The following KCNQ3 variants were observed in gnomAD, a reference collection of about 807,000 sequenced individuals.
KCNQ3 encodes potassium voltage-gated channel subfamily Q member 3.
KCNQ3 carries 30 observed loss-of-function variants against 92.5 expected under a neutral mutation model. The observed-to-expected ratio is 0.32, with a 90% CI of 0.24 to 0.44. The LOEUF (loss-of-function observed/expected upper bound fraction) is 0.44. KCNQ3 is among the 20% of genes least tolerant of loss of function. The pLI is 1.00. For missense variants in KCNQ3, 913 were observed against 1,140.3 expected, an observed-to-expected ratio of 0.80 and a Z score of 2.87; for synonymous variants, 450 against 468.8, an observed-to-expected ratio of 0.96 and a Z score of 0.52.
At chr8:132,425,193 GGA>G (rs1821076787) in intron 1 of KCNQ3, among the ~76,000 whole-genome samples, 1 of 152,198 alleles carries the variant, frequency 6.6e-6, no homozygotes, top group Non-Finnish European at 1.5e-5. Flanking sequence ...TATAGTCTCA[GGA>G]GAGTCACTGG....
At chr8:132,349,477 C>T (rs1371088269) in intron 1 of KCNQ3, among the ~76,000 whole-genome samples, 3 of 152,214 alleles carry the variant, frequency 2.0e-5, no homozygotes, top group African/African-American at 7.2e-5. Context: ...ACTGACAAAG[C>T]GGACTTCCCT....
At chr8:132,378,463 G>C (rs1048902379) in intron 1 of KCNQ3, among the ~76,000 whole-genome samples, 1 of 152,018 alleles carries the variant, frequency 6.6e-6, no homozygotes, top group Non-Finnish European at 1.5e-5. Flanking sequence ...CAATCCGATG[G>C]CAACAATCAT....
chr8:132,460,098 C>T (rs1012772383), intron 1 of KCNQ3, among the ~76,000 whole-genome samples: 1 of 152,012 alleles, frequency 6.6e-6, no homozygotes, highest in Non-Finnish European at 1.5e-5. Context: ...CTATAAGATG[C>T]CCTTGGCTCA....
At chr8:132,254,821 A>G (rs1317717493) in intron 1 of KCNQ3, among the ~76,000 whole-genome samples, 1 of 152,156 alleles carries the variant, frequency 6.6e-6, no homozygotes, top group Non-Finnish European at 1.5e-5. Context: ...AGAGGTTGCA[A>G]TGGGCAGAGA....
chr8:132,172,268 TGAGA>T (rs1748668175), intron 7 of KCNQ3, among the ~76,000 whole-genome samples: 1 of 152,124 alleles, frequency 6.6e-6, no homozygotes, highest in Non-Finnish European at 1.5e-5. Context: ...AGAAACTGAA[TGAGA>T]GAGTGACAGG....
Position 132,480,711 on chromosome 8 carries a change from C to T in KCNQ3, c.-179G>A. 1 of 525,744 alleles carries T rather than the reference C, an allele frequency of 1.9e-6. No homozygotes were observed. The highest frequency in any genetic ancestry group is 2.4e-6 in the Non-Finnish European group (1 of 419,014). The allele number at this position is 525,744 out of a possible 1,614,324, so 32.6% of individuals were successfully genotyped here. A position where few individuals can be genotyped will look rare whatever the true frequency, so the allele number is the denominator to read the frequency against. On this transcript the variant is annotated 5_prime_UTR_variant, in exon 1 of 15. Transcript: ENST00000388996. Reference sequence around the variant, plus strand: ...AGGCAAAGGCGGGCCCCCTGGGGGGCAGGGGAGGCCAGGCAGGGGGTCAGG... The same window carrying T: ...AGGCAAAGGCGGGCCCCCTGGGGGGTAGGGGAGGCCAGGCAGGGGGTCAGG...
chr8:132,225,204 G>C (rs1814371918), intron 1 of KCNQ3, among the ~76,000 whole-genome samples: 1 of 152,172 alleles, frequency 6.6e-6, no homozygotes, highest in Non-Finnish European at 1.5e-5. Context: ...TTAAAAATTA[G>C]CTTCATAATT....
intron 1 of KCNQ3, among the ~76,000 whole-genome samples, chr8:132,425,032 G>A (rs1394704806): frequency 6.6e-6 from 1 of 152,226 alleles, no homozygotes; most frequent in Non-Finnish European, 1.5e-5. Flanking sequence ...ACTATAATGA[G>A]TTTCTTCCTG....
Position 132,149,134 on chromosome 8 carries a change from T to C in KCNQ3, c.1263-7803A>G, listed in dbSNP as rs17653044. On this transcript the variant is annotated intron_variant, in intron 9 of 14. Coordinates refer to ENST00000388996, the MANE Select transcript of KCNQ3 (RefSeq NM_004519.4). The stretch of plus-strand genomic sequence containing the variant: ...GGACATGGTTGTGCTTCTTAGCTGA[T>C]CTAACCAATTGACATTTCTAGAGAT... 6.3e-3 allele frequency among the ~76,000 whole-genome samples: 962 copies of C among 152,374 alleles called. 3 individuals carry two copies. Among genetic ancestry groups the C allele is most frequent in the Non-Finnish European group, 0.01 (705 of 68,032 alleles).
intron 1 of KCNQ3, among the ~76,000 whole-genome samples, chr8:132,354,354 C>G (rs1818957342): frequency 6.6e-6 from 1 of 152,106 alleles, no homozygotes; most frequent in Non-Finnish European, 1.5e-5. Flanking sequence ...GAACAACGGC[C>G]AACGATATCA....
At chr8:132,226,559 T>C (rs1814427740) in intron 1 of KCNQ3, among the ~76,000 whole-genome samples, 1 of 152,170 alleles carries the variant, frequency 6.6e-6, no homozygotes, top group Non-Finnish European at 1.5e-5. Flanking sequence ...CAGAATGACA[T>C]AATATTACAC....
At chr8:132,250,004 C>A (rs1815346612) in intron 1 of KCNQ3, among the ~76,000 whole-genome samples, 1 of 152,166 alleles carries the variant, frequency 6.6e-6, no homozygotes, top group African/African-American at 2.4e-5. Context: ...CCCACGAGTG[C>A]ACTGCACAGC....
In KCNQ3 at chr8:132,180,336, G is replaced by C; in HGVS notation, c.605-7C>G. 1.9e-6 allele frequency: 3 copies of C among 1,613,776 alleles called. No individual in the cohort carries two copies. The highest frequency in any genetic ancestry group is 2.5e-6 in the Non-Finnish European group (3 of 1,179,998). The stretch of plus-strand genomic sequence containing the variant: ...GCAATCAGCACAAAGATGTCTGGGA[G>C]AGAGGACAGACAGAGTGGGAGGGAA... On this transcript the variant is annotated splice_region_variant and splice_polypyrimidine_tract_variant and intron_variant, in intron 3 of 14. Coordinates refer to ENST00000388996, the MANE Select transcript of KCNQ3 (RefSeq NM_004519.4).
chr8:132,312,563 G>A (rs1817626100), intron 1 of KCNQ3, among the ~76,000 whole-genome samples: 1 of 152,146 alleles, frequency 6.6e-6, no homozygotes, highest in Non-Finnish European at 1.5e-5. Context: ...TTGGCTCTGT[G>A]TCCACACTCA....
chr8:132,330,184 G>A (rs1818188384), intron 1 of KCNQ3, among the ~76,000 whole-genome samples: 1 of 152,186 alleles, frequency 6.6e-6, no homozygotes. Flanking sequence ...ACAAGCCCAG[G>A]AATGCTGGGG....
At chr8:132,251,192 G>A (rs1387631590) in intron 1 of KCNQ3, among the ~76,000 whole-genome samples, 1 of 152,128 alleles carries the variant, frequency 6.6e-6, no homozygotes, top group African/African-American at 2.4e-5. Flanking sequence ...ACTTGAGCCT[G>A]GGAGGTGGAG....
At chr8:132,232,989 T>C (rs1289196157) in intron 1 of KCNQ3, among the ~76,000 whole-genome samples, 1 of 152,206 alleles carries the variant, frequency 6.6e-6, no homozygotes, top group Non-Finnish European at 1.5e-5. Context: ...CATTTAGATA[T>C]TGTCTCTGGC....
At chr8:132,189,249 C>G (rs1827084384) in intron 1 of KCNQ3, among the ~76,000 whole-genome samples, 1 of 152,212 alleles carries the variant, frequency 6.6e-6, no homozygotes, top group Non-Finnish European at 1.5e-5. Context: ...CCAGAGCCTT[C>G]CCTGACCCCA....
chr8:132,161,095 C>G (rs905748081), intron 9 of KCNQ3, among the ~76,000 whole-genome samples: 1 of 152,096 alleles, frequency 6.6e-6, no homozygotes, highest in Non-Finnish European at 1.5e-5. Context: ...GACAAGTCCA[C>G]GTAAATCAAA....
Sources: allele counts gnomAD v4.1 joint callset (sites outside exome capture counted in the v4.1 genomes callset), GRCh38; gene constraint gnomAD v4.1.1; transcripts MANE v1.5; gene names NCBI Gene and HGNC (gene_info 2026-07-23, HGNC 2026-07-21).